Variants in MYH9 observed in about 807,000 individuals in gnomAD.
MYH9 encodes myosin heavy chain 9.
Under a neutral mutation model 241.9 loss-of-function variants are expected in MYH9, and 29 were observed. The observed-to-expected ratio is 0.12, with a 90% CI of 0.09 to 0.16. MYH9 has a LOEUF of 0.16. Ranked by LOEUF, MYH9 falls within the 10% of genes least tolerant of loss-of-function variation. The probability of loss-of-function intolerance (pLI) is 1.00; values close to 1 mark genes in which losing one functional copy is unlikely to be tolerated. For synonymous variants in MYH9, 1,047 were observed against 1,062.6 expected (o/e 0.99, Z 0.29); for missense variants, 1,803 against 2,595.5 (o/e 0.69, Z 6.63).
At chr22:36,317,801 G>A (rs893379583) in intron 11 of MYH9, among the ~76,000 whole-genome samples, 1 of 152,260 alleles carries the variant, frequency 6.6e-6, no homozygotes, top group Non-Finnish European at 1.5e-5. Flanking sequence ...GCAGGTGGTA[G>A]AGAAACAGCC....
At chr22:36,318,403 G>A in intron 10 of MYH9, 78 bp from the exon 11 acceptor site, 1 of 1,144,666 alleles carries the variant, frequency 8.7e-7, no homozygotes. Context: ...TTAGACCCAA[G>A]AGAATAAGTC....
At chr22:36,345,578 T>A (rs1339029205) in intron 2 of MYH9, among the ~76,000 whole-genome samples, 1 of 152,196 alleles carries the variant, frequency 6.6e-6, no homozygotes, top group Non-Finnish European at 1.5e-5. Flanking sequence ...AGCTCCCATG[T>A]CACCCCCACA....
In MYH9 at chr22:36,375,661, G is replaced by A. The variant is rs117047220; in HGVS notation, c.-20+12146C>T. ...TGCACAGTCTCCCCATCTGCAAAAT[G>A]AGGATAAGTTCCTACCTTATGGAAA... On this transcript the variant is annotated intron_variant, in intron 1 of 40. Transcript: ENST00000216181. Among the ~76,000 whole-genome samples the A allele has an allele frequency of 2.6e-4, 40 of 152,286 alleles. No homozygotes were observed. In the East Asian group the frequency reaches 7.3e-3, roughly 28 times the overall value.
Position 36,295,502 on chromosome 22 carries a change from C to A in MYH9, c.3485+3G>T, listed in dbSNP as rs758070954. The A allele has an allele frequency of 1.9e-6, 3 of 1,612,068 alleles. No homozygotes were observed. The Admixed American group carries it at 5.0e-5, about 27-fold the overall frequency. ...TCCCGAGGGACTTGGTCCCAGGGCA[C>A]ACCTGAGCTCCTGCTGGGCAGCTGT... On this transcript the variant is annotated splice_donor_region_variant and intron_variant, in intron 26 of 40. Transcript: ENST00000216181. The surrounding 1 kb of genome is among the most constrained non-coding windows in gnomAD (Gnocchi z 4.1).
intron 40 of MYH9, 49 bp from the exon 41 acceptor site, chr22:36,282,834 G>A (rs2016515557): frequency 2.0e-6 from 3 of 1,517,418 alleles, no homozygotes; most frequent in Non-Finnish European, 2.7e-6. Context: ...GCCAGGCCAG[G>A]GGCGGCCACA....
intron 2 of MYH9, among the ~76,000 whole-genome samples, chr22:36,346,415 G>A (rs1476532836): frequency 6.6e-6 from 1 of 152,158 alleles, no homozygotes; most frequent in African/African-American, 2.4e-5. Context: ...AGTCTACCTC[G>A]TAGAAATGTG....
intron 1 of MYH9, among the ~76,000 whole-genome samples, chr22:36,370,090 C>T (rs2018067544): frequency 6.6e-6 from 1 of 152,220 alleles, no homozygotes; most frequent in Non-Finnish European, 1.5e-5. Context: ...TAAAGCTATA[C>T]TTTATTAGCA....
At chr22:36,382,747 G>A (rs531986750) in intron 1 of MYH9, among the ~76,000 whole-genome samples, 266 of 152,022 alleles carry the variant, frequency 1.7e-3, no homozygotes, top group African/African-American at 6.2e-3. Context: ...AGGCTGCAGT[G>A]AGCCAAGATC....
chr22:36,295,850 C>T lies in MYH9; in HGVS notation c.3273-133G>A. On this transcript the variant is annotated intron_variant, in intron 25 of 40. Coordinates refer to ENST00000216181, the MANE Select transcript of MYH9 (RefSeq NM_002473.6). The surrounding 1 kb of genome is among the most constrained non-coding windows in gnomAD (Gnocchi z 4.1). ...GTCACAATCATGGCACTTAGGATGGCTCTCAGCAGAAACAACATCTGAGAC... is the reference window on the plus strand; with the variant it reads ...GTCACAATCATGGCACTTAGGATGGTTCTCAGCAGAAACAACATCTGAGAC... The T allele has an allele frequency of 2.5e-6, 2 of 796,322 alleles. No individual in the cohort carries two copies. The allele number at this position is 796,322 out of a possible 1,614,324, so 49.3% of individuals were successfully genotyped here. A position where few individuals can be genotyped will look rare whatever the true frequency, so the allele number is the denominator to read the frequency against.
At chr22:36,340,678 G>C (rs546380000) in intron 3 of MYH9, among the ~76,000 whole-genome samples, 22 of 149,800 alleles carry the variant, frequency 1.5e-4, no homozygotes, top group Non-Finnish European at 3.1e-4. Context: ...AAAAAAAAAA[G>C]AAAGAAAGGA....
intron 23 of MYH9, 64 bp from the exon 24 acceptor site, chr22:36,299,106 A>G (rs996680264): frequency 9.9e-6 from 16 of 1,608,716 alleles, no homozygotes; most frequent in Admixed American, 3.3e-5. Context: ...GCTAGCCTCA[A>G]AGCATGACTC....
rs902013680 is a variant in MYH9 at position 36,285,547 on chromosome 22, G to A, written c.5274+111C>T. The stretch of plus-strand genomic sequence containing the variant: ...GGTGCCTGGACATTTTCCCCTAAGC[G>A]CCTGGGGAGCAGCTGGCACTTGGCC... On this transcript the variant is annotated intron_variant, in intron 37 of 40. Coordinates refer to ENST00000216181, the MANE Select transcript of MYH9 (RefSeq NM_002473.6). The surrounding 1 kb of genome is among the most constrained non-coding windows in gnomAD (Gnocchi z 7.0). The A allele has an allele frequency of 2.7e-5, 41 of 1,531,820 alleles. No homozygotes were observed. Among genetic ancestry groups the A allele is most frequent in the African/African-American group, 4.1e-5 (3 of 73,284 alleles). The allele number at this position is 1,531,820 out of a possible 1,614,324, so 94.9% of individuals were successfully genotyped here.
Position 36,285,184 on chromosome 22 carries a change from G to C in MYH9, c.5420C>G (p.Ala1807Gly), listed in dbSNP as rs758992217. The change falls in exon 38 of 41, where the codon GCC becomes GGC. Residue 1807 changes from alanine (A) to glycine (G), a missense_variant. Physicochemically the swap from Ala to Gly is moderately conservative, Grantham distance 60 (BLOSUM62 0). Coordinates refer to ENST00000216181, the MANE Select transcript of MYH9 (RefSeq NM_002473.6). The surrounding 1 kb of genome is among the most constrained non-coding windows in gnomAD (Gnocchi z 7.0). Reference protein sequence around the residue: ...MEGTVKSKYKASITALEAKIA... With the variant: ...MEGTVKSKYKGSITALEAKIA... The stretch of plus-strand genomic sequence containing the variant: ...CTTGGCCTCGAGGGCGGTGATGGAG[G>C]CCTTGTACTTGGACTTGACAGTGCC... 8 of 1,614,192 alleles carry C rather than the reference G, an allele frequency of 5.0e-6. No individual in the cohort carries two copies. The South Asian group carries it at 8.8e-5, about 18-fold the overall frequency.
At chr22:36,290,531 C>T (rs1273027153) in intron 31 of MYH9, among the ~76,000 whole-genome samples, 4 of 152,222 alleles carry the variant, frequency 2.6e-5, no homozygotes, top group Non-Finnish European at 5.9e-5. Flanking sequence ...CCTTGGCCTC[C>T]CAAAATGCCA....
In MYH9 at chr22:36,329,144, C is replaced by T. The variant is rs1179007121; in HGVS notation, c.491-1656G>A. On this transcript the variant is annotated intron_variant, in intron 3 of 40. Transcript: ENST00000216181. This position sits in a 1 kb window ranked among gnomAD's most constrained non-coding sequence, Gnocchi z 4.1. ...TTCCTCCCAGCCCCCTAAGCATCAA[C>T]GGGGTGGGGGCGCAGAGGGGCTGGG... Among the ~76,000 whole-genome samples, 2 of 152,174 alleles carry T rather than the reference C, an allele frequency of 1.3e-5. No homozygotes were observed. Among genetic ancestry groups the T allele is most frequent in the East Asian group, 1.9e-4 (1 of 5,190 alleles).
At chr22:36,333,232 A>G (rs1377729380) in intron 3 of MYH9, among the ~76,000 whole-genome samples, 4 of 152,252 alleles carry the variant, frequency 2.6e-5, no homozygotes, top group African/African-American at 9.6e-5. Flanking sequence ...AACGTGCTTG[A>G]GAGCACCAGG....
In MYH9 at chr22:36,282,139, G is replaced by A. The variant is rs576793632; in HGVS notation, c.*529C>T. 28 of 283,954 alleles carry A rather than the reference G, an allele frequency of 9.9e-5. No homozygotes were observed. In the South Asian group the frequency reaches 1.8e-3, roughly 18 times the overall value. The allele number at this position is 283,954 out of a possible 1,614,324, so 17.6% of individuals were successfully genotyped here. A position where few individuals can be genotyped will look rare whatever the true frequency, so the allele number is the denominator to read the frequency against. On this transcript the variant is annotated 3_prime_UTR_variant, in exon 41 of 41. Transcript: ENST00000216181. ...GCCCAGGGCCTGCTCCTTCTGGACC[G>A]CCCAGAGCCATGGGAGTGGGAGGCC...
chr22:36,288,327 C>A lies in MYH9; in HGVS notation c.4857G>T (p.Leu1619=), dbSNP rs2016624648. 3 of 1,614,132 alleles carry A rather than the reference C, an allele frequency of 1.9e-6. No individual in the cohort carries two copies. Among genetic ancestry groups the A allele is most frequent in the South Asian group, 1.1e-5 (1 of 91,076 alleles). ...VAARKKLEMD[L]KDLEAHIDSA... is the part of the protein sequence containing the mutation. ...AGTCGATGTGCGCCTCCAGGTCCTTCAGGTCCATCTCCAGCTTCTTCCGGG... is the reference window on the plus strand; with the variant it reads ...AGTCGATGTGCGCCTCCAGGTCCTTAAGGTCCATCTCCAGCTTCTTCCGGG... Residue 1619 remains leucine (L), a synonymous_variant, in exon 34 of 41, where the codon CTG becomes CTT. Transcript: ENST00000216181. This position sits in a 1 kb window ranked among gnomAD's most constrained non-coding sequence, Gnocchi z 4.8.
chr22:36,288,781 G>A lies in MYH9; in HGVS notation c.4716C>T (p.Asp1572=), dbSNP rs397516780. Residue 1572 remains aspartate (D), a synonymous_variant, in exon 33 of 41, where the codon GAC becomes GAT. Transcript: ENST00000216181. This position sits in a 1 kb window ranked among gnomAD's most constrained non-coding sequence, Gnocchi z 4.8. The part of the protein sequence containing the change: ...LQAMKAQFER[D]LQGRDEQSEE... ...CGCTCTGCTCGTCCCGGCCCTGCAG[G>A]TCCCGCTCGAACTGGGCCTTCATGG... 1.9e-6 allele frequency: 3 copies of A among 1,611,294 alleles called. No individual in the cohort carries two copies. Among genetic ancestry groups the A allele is most frequent in the Non-Finnish European group, 2.5e-6 (3 of 1,179,982 alleles).
Sources: allele counts gnomAD v4.1 joint callset (sites outside exome capture counted in the v4.1 genomes callset), GRCh38; gene constraint gnomAD v4.1.1; non-coding constraint Gnocchi (gnomAD v3.1); transcripts MANE v1.5; gene names NCBI Gene and HGNC (gene_info 2026-07-23, HGNC 2026-07-21).